The following YIPF1 variants were observed in gnomAD, a reference collection of about 807,000 sequenced individuals.
The protein encoded by YIPF1 is protein YIPF1.
Under a neutral mutation model 37.0 loss-of-function variants are expected in YIPF1, and 22 were observed. The observed-to-expected ratio is 0.59, with a 90% CI of 0.42 to 0.85. The LOEUF (loss-of-function observed/expected upper bound fraction) is 0.85. YIPF1 is among the 40% of genes least tolerant of loss of function. The pLI is 0.00. For missense variants in YIPF1, 355 were observed against 373.1 expected (o/e 0.95, Z 0.40); for synonymous variants, 128 against 131.9 (o/e 0.97, Z 0.21).
chr1:53,886,491 G>A (rs191051089), intron 3 of YIPF1, among the ~76,000 whole-genome samples: 7 of 151,814 alleles, frequency 4.6e-5, no homozygotes, highest in Non-Finnish European at 1.0e-4. Context: ...TCACCTGAAG[G>A]CTTCTGACCT....
chr1:53,880,297 C>T (rs1650457034), intron 4 of YIPF1, among the ~76,000 whole-genome samples: 1 of 151,948 alleles, frequency 6.6e-6, no homozygotes, highest in African/African-American at 2.4e-5. Flanking sequence ...TATGAATGAA[C>T]TCTCGTTCTT....
chr1:53,874,780 A>G (rs1482676450), intron 6 of YIPF1, among the ~76,000 whole-genome samples: 2 of 152,022 alleles, frequency 1.3e-5, no homozygotes, highest in East Asian at 1.9e-4. Flanking sequence ...AAATATATAT[A>G]TATTTTTAAT....
chr1:53,874,240 G>A (rs986575727), intron 6 of YIPF1, among the ~76,000 whole-genome samples: 1 of 152,126 alleles, frequency 6.6e-6, no homozygotes, highest in Non-Finnish European at 1.5e-5. Flanking sequence ...GGACTCCAGA[G>A]ACTTACGACA....
At chr1:53,860,022 C>T in intron 10 of YIPF1, 34 bp downstream of exon 10, 5 of 1,605,008 alleles carry the variant, frequency 3.1e-6, no homozygotes, top group Non-Finnish European at 4.3e-6. Flanking sequence ...TGTTTTATGG[C>T]ACCACACAGC....
rs973779823 is a variant in YIPF1, at chr1:53,867,616, C to G, written c.482-692G>C. Among the ~76,000 whole-genome samples the G allele has an allele frequency of 2.6e-5, 4 of 151,938 alleles. No individual in the cohort carries two copies. The South Asian group carries it at 8.3e-4, about 31-fold the overall frequency. On this transcript the variant is annotated intron_variant, in intron 7 of 10. Transcript: ENST00000072644. ...CCTGACCTCGTGATCCGCCCGCCTC[C>G]GCCTCCCAAAGTGCTGGGATTACAG...
At chr1:53,857,663 T>A (rs1191418588) in intron 10 of YIPF1, among the ~76,000 whole-genome samples, 2 of 151,874 alleles carry the variant, frequency 1.3e-5, no homozygotes, top group Admixed American at 6.6e-5. Context: ...CCAGTAAGAG[T>A]GGCCAATGAG....
At chr1:53,883,382 C>CCT in intron 3 of YIPF1, 106 bp from the exon 4 acceptor site, 1 of 1,246,674 alleles carries the variant, frequency 8.0e-7, no homozygotes, top group Non-Finnish European at 1.0e-6. Flanking sequence ...TGCTATAGAC[C>CCT]CTACCTGATA....
At chr1:53,879,785 G>C (rs1325699497) in intron 4 of YIPF1, among the ~76,000 whole-genome samples, 2 of 152,230 alleles carry the variant, frequency 1.3e-5, no homozygotes, top group African/African-American at 4.8e-5. Context: ...TCACAGAGAG[G>C]AGTGAAAGCG....
At chr1:53,867,643 C>T (rs546809978) in intron 7 of YIPF1, among the ~76,000 whole-genome samples, 13 of 152,214 alleles carry the variant, frequency 8.5e-5, no homozygotes, top group African/African-American at 2.4e-4. Flanking sequence ...GGATTACAGG[C>T]GTGAGCCACC....
At chr1:53,887,617 G>A (rs1308524096) in intron 3 of YIPF1, among the ~76,000 whole-genome samples, 1 of 151,714 alleles carries the variant, frequency 6.6e-6, no homozygotes, top group Non-Finnish European at 1.5e-5. Flanking sequence ...TTTTGAAGAC[G>A]AGGTTGACAG....
intron 10 of YIPF1, among the ~76,000 whole-genome samples, chr1:53,857,380 C>G (rs1409358394): frequency 6.6e-6 from 1 of 152,210 alleles, no homozygotes; most frequent in African/African-American, 2.4e-5. Context: ...ATAAGACATG[C>G]AATCAAAGGA....
chr1:53,862,293 T>C (rs369966226), intron 9 of YIPF1, among the ~76,000 whole-genome samples: 2 of 152,210 alleles, frequency 1.3e-5, no homozygotes, highest in East Asian at 3.8e-4. Flanking sequence ...TCCATCTCCA[T>C]AGTCTGTGCT....
chr1:53,878,285 A>G (rs1476271783), intron 6 of YIPF1, 30 bp downstream of exon 6: 2 of 1,607,666 alleles, frequency 1.2e-6, no homozygotes, highest in Non-Finnish European at 1.7e-6. Context: ...TTCAACTGAA[A>G]TACGGTAAAC....
chr1:53,882,998 T>C, intron 4 of YIPF1, 115 bp downstream of exon 4: 1 of 1,240,242 alleles, frequency 8.1e-7, no homozygotes, highest in Non-Finnish European at 1.1e-6. Context: ...CCATGTGTCA[T>C]TTACCTCTGA....
chr1:53,882,433 CAAGT>C (rs569476741), intron 4 of YIPF1, among the ~76,000 whole-genome samples: 233 of 151,986 alleles, frequency 1.5e-3, no homozygotes, highest in African/African-American at 5.2e-3. Context: ...GGTACTCAAG[CAAGT>C]GTTTTCAATC....
chr1:53,878,487 G>C (rs1650394474), intron 5 of YIPF1, 85 bp from the exon 6 acceptor site: 3 of 1,504,232 alleles, frequency 2.0e-6, no homozygotes, highest in Non-Finnish European at 2.7e-6. Flanking sequence ...TCAGTCATTA[G>C]AGCTTTTATG....
At chr1:53,886,414 C>G (rs1485760894) in intron 3 of YIPF1, among the ~76,000 whole-genome samples, 1 of 151,976 alleles carries the variant, frequency 6.6e-6, no homozygotes, top group Non-Finnish European at 1.5e-5. Context: ...CCAACATTCT[C>G]TGCTTTTACA....
intron 3 of YIPF1, among the ~76,000 whole-genome samples, chr1:53,883,580 T>C (rs1569654918): frequency 2.0e-5 from 3 of 152,306 alleles, no homozygotes; most frequent in Admixed American, 6.5e-5. Context: ...TTTTCATCTG[T>C]ATCATGGGGA....
chr1:53,852,082 A>C lies in YIPF1; in HGVS notation c.*197T>G, dbSNP rs1649608994. ...TGATCATCCATGGGTGAAAAGGAAG[A>C]GCTGAAAGACACATGTGCTGAGCAA... is the stretch of plus-strand genomic sequence containing the variant. On this transcript the variant is annotated 3_prime_UTR_variant, in exon 11 of 11. Transcript: ENST00000072644. 6.6e-6 allele frequency: 1 copy of C among 152,184 alleles called. No individual in the cohort carries two copies. The highest frequency in any genetic ancestry group is 2.4e-5 in the African/African-American group (1 of 41,448). The allele number at this position is 152,184 out of a possible 1,614,324, so 9.4% of individuals were successfully genotyped here.
Sources: gnomAD v4.1 joint callset for allele counts (sites outside exome capture counted in the v4.1 genomes callset) on GRCh38, gnomAD v4.1.1 for gene constraint, MANE v1.5 for transcripts, NCBI Gene and HGNC (gene_info 2026-07-23, HGNC 2026-07-21) for gene names.